The following SOCS5 variants were observed in gnomAD, a reference collection of about 807,000 sequenced individuals.
SOCS5 encodes suppressor of cytokine signaling 5.
A neutral mutation model predicts 42.8 loss-of-function variants in SOCS5; 32 were observed. That is an observed-to-expected ratio of 0.75 (90% confidence interval 0.56 to 1.01). The LOEUF is 1.01. Among genes scored for constraint, SOCS5 ranks in the 50% least tolerant of loss-of-function variants. SOCS5 has a pLI of 0.00. For missense variants in SOCS5, 627 were observed against 653.0 expected (o/e 0.96, Z 0.43); for synonymous variants, 283 against 229.6 (o/e 1.23, Z -2.10).
chr2:46,731,579 G>GTACA (rs1277723900), intron 1 of SOCS5, among the ~76,000 whole-genome samples: 1 of 152,202 alleles, frequency 6.6e-6, no homozygotes, highest in Non-Finnish European at 1.5e-5. Flanking sequence ...ACACAGATAT[G>GTACA]TACAAAGGAC....
chr2:46,760,701 G>A lies in SOCS5; in HGVS notation c.*560G>A, dbSNP rs1673847727. The A allele has an allele frequency of 6.0e-6, 1 of 167,134 alleles. No homozygotes were observed. Among genetic ancestry groups the A allele is most frequent in the Admixed American group, 6.5e-5 (1 of 15,282 alleles). The allele number at this position is 167,134 out of a possible 1,614,324, so 10.4% of individuals were successfully genotyped here. On this transcript the variant is annotated 3_prime_UTR_variant, in exon 2 of 2. Coordinates refer to ENST00000394861, the MANE Select transcript of SOCS5 (RefSeq NM_144949.3). The stretch of plus-strand genomic sequence containing the variant: ...GTGTTGATGTAGTTTATAATCAGAC[G>A]CCTTTTCTCTTCTGCAAAAGGTACT...
In SOCS5 at chr2:46,751,094, T is replaced by C. The variant is rs143582584; in HGVS notation, c.-12-7425T>C. Among the ~76,000 whole-genome samples, 16 of 152,272 alleles carry C rather than the reference T, an allele frequency of 1.1e-4. No individual in the cohort carries two copies. In the East Asian group the frequency reaches 2.7e-3, roughly 26 times the overall value. On this transcript the variant is annotated intron_variant, in intron 1 of 1. Coordinates refer to ENST00000394861, the MANE Select transcript of SOCS5 (RefSeq NM_144949.3). The stretch of plus-strand genomic sequence containing the variant: ...GAAGAAATTGAAGTCCAAGTTGTTA[T>C]TAATCTCTCAGATATATCGGTTTCT...
chr2:46,724,304 A>G (rs1001684598), intron 1 of SOCS5, among the ~76,000 whole-genome samples: 2 of 151,860 alleles, frequency 1.3e-5, no homozygotes, highest in African/African-American at 4.8e-5. Flanking sequence ...ACAAGAGTAA[A>G]TATCATTGAT....
rs765833997 is a variant in SOCS5, at chr2:46,759,388, A to C, written c.858A>C (p.Thr286=). The C allele has an allele frequency of 1.1e-5, 17 of 1,613,970 alleles. No homozygotes were observed. The Admixed American group carries it at 2.8e-4, about 27-fold the overall frequency. The part of the protein sequence containing the change: ...VDPPPNAQIH[T]FEATAQVNPL... Reference sequence around the variant, plus strand: ...CCCCTCCCAATGCACAAATACATACATTTGAAGCTACTGCACAGGTTAATC... The same window carrying C: ...CCCCTCCCAATGCACAAATACATACCTTTGAAGCTACTGCACAGGTTAATC... Residue 286 remains threonine, a synonymous_variant, in exon 2 of 2, where the codon ACA becomes ACC. Coordinates refer to ENST00000394861, the MANE Select transcript of SOCS5 (RefSeq NM_144949.3).
intron 1 of SOCS5, among the ~76,000 whole-genome samples, chr2:46,715,359 G>A (rs1208543700): frequency 7.1e-6 from 1 of 141,068 alleles, no homozygotes; most frequent in Non-Finnish European, 1.5e-5. Context: ...GTGACAGAGA[G>A]TAACACCCTG....
At chr2:46,727,375 G>C (rs1354618161) in intron 1 of SOCS5, among the ~76,000 whole-genome samples, 4 of 152,132 alleles carry the variant, frequency 2.6e-5, no homozygotes, top group Admixed American at 6.6e-5. Context: ...TCCCATGCAA[G>C]TTGATATTTT....
In SOCS5 at chr2:46,761,538, T is replaced by G. The variant is rs1673869930; in HGVS notation, c.*1397T>G. 6.0e-6 allele frequency: 1 copy of G among 167,070 alleles called. No individual in the cohort carries two copies. The highest frequency in any genetic ancestry group is 2.1e-4 in the South Asian group (1 of 4,838). The allele number at this position is 167,070 out of a possible 1,614,324, so 10.3% of individuals were successfully genotyped here. A position where few individuals can be genotyped will look rare whatever the true frequency, so the allele number is the denominator to read the frequency against. On this transcript the variant is annotated 3_prime_UTR_variant, in exon 2 of 2. Coordinates refer to ENST00000394861, the MANE Select transcript of SOCS5 (RefSeq NM_144949.3). ...GCAACACTAACCTTTTGACTGCTAATGTATGTTTCTGCTTGCTGTGCCTTG... is the reference window on the plus strand; with the variant it reads ...GCAACACTAACCTTTTGACTGCTAAGGTATGTTTCTGCTTGCTGTGCCTTG...
rs76406326 is a variant in SOCS5, at chr2:46,750,610, G to A, written c.-12-7909G>A. On this transcript the variant is annotated intron_variant, in intron 1 of 1. Coordinates refer to ENST00000394861, the MANE Select transcript of SOCS5 (RefSeq NM_144949.3). ...ATTAAAAGTAGTATTCAGAGAAGCA[G>A]TAGAACTTACTAATATAGAACCATT... Among the ~76,000 whole-genome samples the A allele has an allele frequency of 1.2e-3, 178 of 151,820 alleles. 2 individuals are homozygous for A. The East Asian group carries it at 0.034, about 29-fold the overall frequency.
intron 1 of SOCS5, among the ~76,000 whole-genome samples, chr2:46,728,151 A>G (rs1432546200): frequency 2.6e-5 from 4 of 152,162 alleles, no homozygotes; most frequent in Admixed American, 6.5e-5. Context: ...CCCCAAGTCC[A>G]GGTGGCAGGA....
intron 1 of SOCS5, among the ~76,000 whole-genome samples, chr2:46,708,297 G>A (rs1672540345): frequency 6.6e-6 from 1 of 152,186 alleles, no homozygotes; most frequent in Admixed American, 6.5e-5. Context: ...TAGAAGTTGA[G>A]TATGAGTCTA....
chr2:46,707,261 C>T (rs943593100), intron 1 of SOCS5, among the ~76,000 whole-genome samples: 5 of 152,128 alleles, frequency 3.3e-5, no homozygotes, highest in Admixed American at 6.5e-5. Flanking sequence ...AAAGTGGAAG[C>T]TCAGGAGATA....
intron 1 of SOCS5, among the ~76,000 whole-genome samples, chr2:46,727,789 T>C (rs1428604475): frequency 6.6e-6 from 1 of 152,220 alleles, no homozygotes; most frequent in Non-Finnish European, 1.5e-5. Flanking sequence ...TTCACTTTGC[T>C]GTGAGTTCCT....
chr2:46,759,745 C>T lies in SOCS5; in HGVS notation c.1215C>T (p.Leu405=). The change falls in exon 2 of 2, where the codon CTC becomes CTT. Residue 405 remains leucine (L), a synonymous_variant. Transcript: ENST00000394861. ...LEGKPEGTFL[L]RDSAQEDYLF... is the part of the protein sequence containing the mutation. ...GGAAACCTGAAGGCACGTTTTTGCT[C>T]AGGGACTCTGCGCAAGAGGACTACC... 1 of 1,614,130 alleles carries T rather than the reference C, an allele frequency of 6.2e-7. No individual in the cohort carries two copies.
At chr2:46,749,292 GA>G (rs1007939341) in intron 1 of SOCS5, among the ~76,000 whole-genome samples, 22 of 152,148 alleles carry the variant, frequency 1.4e-4, no homozygotes, top group Admixed American at 1.4e-3. Context: ...ACATGCTTTG[GA>G]TTGGTTGTAT....
chr2:46,716,076 C>G (rs1440698172), intron 1 of SOCS5, among the ~76,000 whole-genome samples: 1 of 147,320 alleles, frequency 6.8e-6, no homozygotes, highest in African/African-American at 2.5e-5. Context: ...TGCTGTTATG[C>G]CTGTCCAGTC....
chr2:46,746,256 C>G (rs147671361), intron 1 of SOCS5, among the ~76,000 whole-genome samples: 180 of 152,228 alleles, frequency 1.2e-3, no homozygotes, highest in African/African-American at 4.2e-3. Flanking sequence ...GACTCACATT[C>G]TTATTATTCA....
At chr2:46,700,176 A>C (rs1253372495) in intron 1 of SOCS5, among the ~76,000 whole-genome samples, 1 of 152,186 alleles carries the variant, frequency 6.6e-6, no homozygotes. Context: ...AAAACAGTGT[A>C]AATACATCTT....
intron 1 of SOCS5, among the ~76,000 whole-genome samples, chr2:46,727,528 A>G (rs181079522): frequency 1.1e-4 from 16 of 152,190 alleles, no homozygotes; most frequent in Non-Finnish European, 2.9e-5. Context: ...GTTGGGTTCA[A>G]CCTTCAAGTT....
chr2:46,735,661 C>A (rs1673226975), intron 1 of SOCS5, among the ~76,000 whole-genome samples: 1 of 151,858 alleles, frequency 6.6e-6, no homozygotes, highest in African/African-American at 2.4e-5. Flanking sequence ...AGCACATAGT[C>A]CATGTTCATA....
Sources: allele counts gnomAD v4.1 joint callset (sites outside exome capture counted in the v4.1 genomes callset), GRCh38; gene constraint gnomAD v4.1.1; transcripts MANE v1.5; gene names NCBI Gene and HGNC (gene_info 2026-07-23, HGNC 2026-07-21).